RIPK4: variants seen among roughly 807,000 people sequenced by gnomAD.
RIPK4 encodes receptor interacting serine/threonine kinase 4.
In RIPK4, 17 loss-of-function variants were observed where a neutral mutation model predicts 42.9. That is an observed-to-expected ratio of 0.40 (90% confidence interval 0.27 to 0.59). The LOEUF (loss-of-function observed/expected upper bound fraction) is 0.59, where lower values mean the gene tolerates loss of function less well. Ranked by LOEUF, RIPK4 falls within the 20% of genes least tolerant of loss-of-function variation. The pLI is 0.47. For synonymous variants in RIPK4, 498 were observed against 499.1 expected (o/e 1.00, Z 0.03); for missense variants, 897 against 1,104.4 (o/e 0.81, Z 2.66).
In RIPK4 at chr21:41,741,556, T is replaced by C; in HGVS notation, c.1637A>G (p.Gln546Arg). The C allele has an allele frequency of 6.2e-7, 1 of 1,612,086 alleles. No individual in the cohort carries two copies. The highest frequency in any genetic ancestry group is 8.5e-7 in the Non-Finnish European group (1 of 1,180,010). The change falls in exon 8 of 8, where the codon CAG becomes CGG. Residue 546 changes from glutamine to arginine, a missense_variant. Coordinates refer to ENST00000332512, the MANE Select transcript of RIPK4 (RefSeq NM_020639.3). ...EGRTPMHVAC[Q>R]HGQENIVRIL... is the part of the protein sequence containing the mutation. The stretch of plus-strand genomic sequence containing the variant: ...GCGCACGATATTCTCCTGCCCGTGC[T>C]GGCAGGCCACGTGCATGGGCGTCCG...
intron 1 of RIPK4, among the ~76,000 whole-genome samples, chr21:41,758,005 A>C (rs1389827814): frequency 2.0e-5 from 1 of 49,012 alleles, no homozygotes; most frequent in Non-Finnish European, 4.3e-5. Flanking sequence ...TAACAAAAAA[A>C]AAAAAAAAAA....
At chr21:41,762,537 G>A (rs1569107600) in intron 1 of RIPK4, among the ~76,000 whole-genome samples, 2 of 152,182 alleles carry the variant, frequency 1.3e-5, no homozygotes, top group Admixed American at 6.5e-5. Context: ...GGTGTCGCCC[G>A]GCGGCATTTG....
chr21:41,749,521 A>C (rs1263926029), intron 3 of RIPK4, among the ~76,000 whole-genome samples: 1 of 152,196 alleles, frequency 6.6e-6, no homozygotes, highest in Admixed American at 6.5e-5. Flanking sequence ...TGTGTGCCTC[A>C]CTGATATCTT....
intron 2 of RIPK4, among the ~76,000 whole-genome samples, chr21:41,754,275 C>T (rs1490035813): frequency 6.6e-6 from 1 of 152,222 alleles, no homozygotes; most frequent in Non-Finnish European, 1.5e-5. Flanking sequence ...CTCCCTGCTG[C>T]ACTCTACGCA....
chr21:41,744,056 A>G lies in RIPK4; in HGVS notation c.1021T>C (p.Ser341Pro), dbSNP rs747835679. The part of the protein sequence containing the change: ...SLSELLSQLD[S>P]GVSQAVEGPE... ...CCCTCGACAGCCTGGGAAACTCCAG[A>G]GTCCAGCTGTGAGAGCAGCTCGGAG... Residue 341 changes from serine to proline, a missense_variant, in exon 7 of 8, where the codon TCT becomes CCT. Coordinates refer to ENST00000332512, the MANE Select transcript of RIPK4 (RefSeq NM_020639.3). 1.2e-6 allele frequency: 2 copies of G among 1,612,968 alleles called. No homozygotes were observed. Among genetic ancestry groups the G allele is most frequent in the Non-Finnish European group, 1.7e-6 (2 of 1,179,838 alleles).
rs2061162664 is a variant in RIPK4 at position 41,744,040 on chromosome 21, G to A, written c.1037C>T (p.Ala346Val). Residue 346 changes from alanine (A) to valine (V), a missense_variant, in exon 7 of 8, where the codon GCT becomes GTT. Coordinates refer to ENST00000332512, the MANE Select transcript of RIPK4 (RefSeq NM_020639.3). ...GCTGAGCTCCTCGGGGCCCTCGACA[G>A]CCTGGGAAACTCCAGAGTCCAGCTG... is the stretch of plus-strand genomic sequence containing the variant. ...LSQLDSGVSQ[A>V]VEGPEELSRS... 1 of 1,613,162 alleles carries A rather than the reference G, an allele frequency of 6.2e-7. No homozygotes were observed. The highest frequency in any genetic ancestry group is 2.2e-5 in the East Asian group (1 of 44,852).
intron 3 of RIPK4, among the ~76,000 whole-genome samples, chr21:41,750,272 A>G (rs2061184796): frequency 6.6e-6 from 1 of 152,240 alleles, no homozygotes; most frequent in African/African-American, 2.4e-5. Context: ...TGGGAGGCTT[A>G]GTGCCTGCTC....
At chr21:41,762,453 C>T (rs552500142) in intron 1 of RIPK4, among the ~76,000 whole-genome samples, 1 of 152,208 alleles carries the variant, frequency 6.6e-6, no homozygotes, top group African/African-American at 2.4e-5. Flanking sequence ...CTTCCAGCCC[C>T]TCTCCAGGTG....
At chr21:41,752,418 C>G (rs1318838593) in intron 2 of RIPK4, among the ~76,000 whole-genome samples, 1 of 151,974 alleles carries the variant, frequency 6.6e-6, no homozygotes, top group Non-Finnish European at 1.5e-5. Flanking sequence ...GGATCCTGAG[C>G]ACATCTGCAG....
rs143337027 is a variant in RIPK4, at chr21:41,745,674, G to A, written c.936+85C>T. On this transcript the variant is annotated intron_variant, in intron 6 of 7. Coordinates refer to ENST00000332512, the MANE Select transcript of RIPK4 (RefSeq NM_020639.3). ...AGAGAGGGAGAGTGGTCCGGGCGGC[G>A]GGGGACTCTGCAAAGAGGAGTGGTT... is the stretch of plus-strand genomic sequence containing the variant. 1,774 of 984,854 alleles carry A rather than the reference G, an allele frequency of 1.8e-3. 20 individuals carry two copies. In the African/African-American group the frequency reaches 0.023, roughly 13 times the overall value. 61.0% of individuals were successfully genotyped at this position (984,854 alleles called of 1,614,324 possible). A position where few individuals can be genotyped will look rare whatever the true frequency, so the allele number is the denominator to read the frequency against.
rs770022384 is a variant in RIPK4 at position 41,755,122 on chromosome 21, C to T, written c.474+1403G>A. On this transcript the variant is annotated intron_variant, in intron 2 of 7. Coordinates refer to ENST00000332512, the MANE Select transcript of RIPK4 (RefSeq NM_020639.3). The surrounding 1 kb of genome is among the most constrained non-coding windows in gnomAD (Gnocchi z 4.2). ...TAAATGTTGGCGGGAATGGGGGGTC[C>T]GCATGTGAGGCCCAGCCCTGCCCAT... 1.2e-4 allele frequency among the ~76,000 whole-genome samples: 19 copies of T among 152,094 alleles called. No individual in the cohort carries two copies. The highest frequency in any genetic ancestry group is 7.9e-4 in the Admixed American group (12 of 15,266).
At chr21:41,744,287 A>G in intron 6 of RIPK4, 147 bp from the exon 7 acceptor site, 1 of 755,816 alleles carries the variant, frequency 1.3e-6, no homozygotes, top group Non-Finnish European at 2.1e-6. Flanking sequence ...CAGATAACCT[A>G]TTGGTCACCG....
Position 41,751,071 on chromosome 21 carries a change from G to C in RIPK4, c.623+26C>G, listed in dbSNP as rs1471901124. ...GGTTGAGAGCCCCTGGCACCCACAG[G>C]GGATGGGGGGCGGCATGTCACACAC... On this transcript the variant is annotated intron_variant, in intron 3 of 7. Transcript: ENST00000332512. The surrounding 1 kb of genome is among the most constrained non-coding windows in gnomAD (Gnocchi z 4.5). 1 of 1,604,624 alleles carries C rather than the reference G, an allele frequency of 6.2e-7. No homozygotes were observed. Among genetic ancestry groups the C allele is most frequent in the East Asian group, 2.2e-5 (1 of 44,626 alleles).
chr21:41,739,755 G>A lies in RIPK4; in HGVS notation c.*1083C>T, dbSNP rs2061146566. On this transcript the variant is annotated 3_prime_UTR_variant, in exon 8 of 8. Coordinates refer to ENST00000332512, the MANE Select transcript of RIPK4 (RefSeq NM_020639.3). ...GGGCCACACCCCAAACTGCTGAGGT[G>A]CGGAGGCACGTCTGCAAAGCAGGTC... is the stretch of plus-strand genomic sequence containing the variant. 6.6e-6 allele frequency: 1 copy of A among 152,228 alleles called. No homozygotes were observed. Among genetic ancestry groups the A allele is most frequent in the South Asian group, 2.1e-4 (1 of 4,832 alleles). The allele number at this position is 152,228 out of a possible 1,614,324, so 9.4% of individuals were successfully genotyped here. A position where few individuals can be genotyped will look rare whatever the true frequency, so the allele number is the denominator to read the frequency against.
intron 1 of RIPK4, among the ~76,000 whole-genome samples, chr21:41,761,270 T>C (rs1382333782): frequency 6.6e-6 from 1 of 152,244 alleles, no homozygotes; most frequent in African/African-American, 2.4e-5. Flanking sequence ...TTTCTCCTCC[T>C]CTGGGAACAC....
chr21:41,757,416 G>A (rs2061207083), intron 1 of RIPK4, among the ~76,000 whole-genome samples: 1 of 151,950 alleles, frequency 6.6e-6, no homozygotes, highest in Non-Finnish European at 1.5e-5. Context: ...CAGCTACTCA[G>A]GAGGCTGAGG....
intron 1 of RIPK4, among the ~76,000 whole-genome samples, chr21:41,766,485 G>A (rs1175490506): frequency 1.3e-5 from 2 of 152,178 alleles, no homozygotes; most frequent in African/African-American, 2.4e-5. Context: ...GCGCGGGTCC[G>A]AGGCGCAAGG....
intron 1 of RIPK4, among the ~76,000 whole-genome samples, chr21:41,760,548 G>A (rs1247261862): frequency 6.6e-6 from 1 of 152,244 alleles, no homozygotes; most frequent in Non-Finnish European, 1.5e-5. Flanking sequence ...GGCCAGCAGA[G>A]CGGAGCAGTC....
At chr21:41,748,566 T>G (rs1001091772) in intron 4 of RIPK4, among the ~76,000 whole-genome samples, 1 of 152,270 alleles carries the variant, frequency 6.6e-6, no homozygotes, top group African/African-American at 2.4e-5. Flanking sequence ...TGAGCAGCTC[T>G]GGAGGTTGGC....
Sources: gnomAD v4.1 joint callset for allele counts (sites outside exome capture counted in the v4.1 genomes callset) on GRCh38, gnomAD v4.1.1 for gene constraint, Gnocchi (gnomAD v3.1) non-coding constraint, MANE v1.5 for transcripts, NCBI Gene and HGNC (gene_info 2026-07-23, HGNC 2026-07-21) for gene names.